The following PRIM2 variants were observed in gnomAD, a reference collection of about 807,000 sequenced individuals.
PRIM2 encodes DNA primase large subunit.
A neutral mutation model predicts 67.3 loss-of-function variants in PRIM2; 39 were observed. The observed-to-expected ratio is 0.58, with a 90% CI of 0.45 to 0.76. The LOEUF is 0.76. Ranked by LOEUF, PRIM2 falls within the 30% of genes least tolerant of loss-of-function variation. The pLI, the probability that PRIM2 is intolerant of heterozygous loss-of-function variation, is 0.00. For missense variants in PRIM2, 398 were observed against 598.7 expected (o/e 0.66, Z 3.50); for synonymous variants, 143 against 198.7 (o/e 0.72, Z 2.36).
chr6:57,452,339 G>T (rs1670579640), intron 7 of PRIM2, among the ~76,000 whole-genome samples: 2 of 152,132 alleles, frequency 1.3e-5, no homozygotes, highest in Admixed American at 1.3e-4. Context: ...TCTAGTTCTA[G>T]ATCCCTGAGG....
At chr6:57,400,901 C>A (rs1239155153) in intron 7 of PRIM2, among the ~76,000 whole-genome samples, 1 of 152,106 alleles carries the variant, frequency 6.6e-6, no homozygotes, top group Non-Finnish European at 1.5e-5. Flanking sequence ...GTTTATTCTG[C>A]TGTTAATACT....
the PRIM2 span, among the ~76,000 whole-genome samples, chr6:57,224,647 A>G: frequency 2.0e-5 from 3 of 152,192 alleles, no homozygotes; most frequent in African/African-American, 7.2e-5. Flanking sequence ...AAAAAAAAAA[A>G]AGAAAATCTT....
At chr6:57,579,227 C>T (rs2127484373) in intron 10 of PRIM2, among the ~76,000 whole-genome samples, 1 of 151,386 alleles carries the variant, frequency 6.6e-6, no homozygotes, top group South Asian at 2.1e-4. Context: ...TTTAGTCTCA[C>T]CAAGTGTGAA....
chr6:57,340,099 GA>G (rs1768417104), intron 5 of PRIM2, among the ~76,000 whole-genome samples: 1 of 151,998 alleles, frequency 6.6e-6, no homozygotes, highest in African/African-American at 2.4e-5. Flanking sequence ...AAAAACACAT[GA>G]AAAAATGCTC....
chr6:57,539,473 ACT>A (rs1775088608), intron 10 of PRIM2, among the ~76,000 whole-genome samples: 1 of 151,950 alleles, frequency 6.6e-6, no homozygotes, highest in South Asian at 2.1e-4. Context: ...GTCTAATTTG[ACT>A]CTGTTATATA....
chr6:57,259,762 C>T, the PRIM2 span, among the ~76,000 whole-genome samples: 15 of 152,202 alleles, frequency 9.9e-5, no homozygotes, highest in Admixed American at 2.6e-4. Context: ...CACTGACTCC[C>T]ATCCTTTCAC....
chr6:57,453,333 G>A (rs1007477731), intron 7 of PRIM2, among the ~76,000 whole-genome samples: 2 of 152,130 alleles, frequency 1.3e-5, no homozygotes, highest in East Asian at 1.9e-4. Flanking sequence ...AAAGTCATTG[G>A]TAGCTTGATG....
At chr6:57,224,213 A>T in the PRIM2 span, among the ~76,000 whole-genome samples, 1 of 152,188 alleles carries the variant, frequency 6.6e-6, no homozygotes, top group African/African-American at 2.4e-5. Flanking sequence ...AGATGGGAGG[A>T]TCACTTGAAT....
the PRIM2 span, among the ~76,000 whole-genome samples, chr6:57,225,939 T>A: frequency 2.0e-5 from 3 of 152,234 alleles, no homozygotes. Flanking sequence ...TTTCTAGTAC[T>A]TTCTAGGCAG....
chr6:57,475,847 G>A lies in PRIM2; in HGVS notation c.694-31540G>A, dbSNP rs1168545564. On this transcript the variant is annotated intron_variant, in intron 7 of 13. Coordinates refer to ENST00000615550, the MANE Select transcript of PRIM2 (RefSeq NM_000947.5). ...TATACAAACGTAAGAGACATGGCAC[G>A]TTTCCTTAAAGAACTTAGGATCCTC... 8.5e-5 allele frequency among the ~76,000 whole-genome samples: 13 copies of A among 152,286 alleles called. No individual in the cohort carries two copies. The South Asian group carries it at 2.3e-3, about 27-fold the overall frequency.
chr6:57,230,385 C>T, the PRIM2 span, among the ~76,000 whole-genome samples: 2 of 152,170 alleles, frequency 1.3e-5, no homozygotes, highest in Admixed American at 1.3e-4. Context: ...AGGTGGGGCA[C>T]TTTCTTGGCC....
chr6:57,382,663 A>G (rs1770002963), intron 7 of PRIM2: 1 of 152,260 alleles, frequency 6.6e-6, no homozygotes, highest in Non-Finnish European at 1.5e-5. Flanking sequence ...AACAAATGAC[A>G]TGATCAGTGA....
chr6:57,263,731 C>CT, the PRIM2 span, among the ~76,000 whole-genome samples: 110 of 152,308 alleles, frequency 7.2e-4, 2 homozygotes, highest in Admixed American at 5.7e-3. Context: ...TCTTATTTCT[C>CT]TTTTGACATC....
At chr6:57,336,886 A>C (rs941617300) in intron 5 of PRIM2, among the ~76,000 whole-genome samples, 3 of 152,290 alleles carry the variant, frequency 2.0e-5, no homozygotes, top group Admixed American at 2.0e-4. Context: ...AAATGGACTA[A>C]ATGCTCCAAT....
At chr6:57,351,438 G>C (rs1324568783) in intron 5 of PRIM2, among the ~76,000 whole-genome samples, 2 of 152,098 alleles carry the variant, frequency 1.3e-5, no homozygotes, top group African/African-American at 4.8e-5. Flanking sequence ...TATTTGTTGA[G>C]CAAATAGTGA....
chr6:57,252,409 C>A, the PRIM2 span, among the ~76,000 whole-genome samples: 1 of 152,126 alleles, frequency 6.6e-6, no homozygotes, highest in African/African-American at 2.4e-5. Flanking sequence ...AATTCTGGAA[C>A]TTTAGTCTCT....
At chr6:57,438,701 G>A (rs1003601571) in intron 7 of PRIM2, among the ~76,000 whole-genome samples, 45 of 152,192 alleles carry the variant, frequency 3.0e-4, no homozygotes, top group African/African-American at 1.1e-3. Flanking sequence ...TCTCCAGGGG[G>A]AGGGTGGTCT....
intron 10 of PRIM2, among the ~76,000 whole-genome samples, chr6:57,543,508 T>C (rs1775221526): frequency 6.6e-6 from 1 of 152,240 alleles, no homozygotes; most frequent in African/African-American, 2.4e-5. Flanking sequence ...TGCATTGCTA[T>C]GTGAGTCTGA....
chr6:57,464,295 C>T (rs970162012), intron 7 of PRIM2, among the ~76,000 whole-genome samples: 5 of 151,764 alleles, frequency 3.3e-5, no homozygotes, highest in Non-Finnish European at 4.4e-5. Context: ...CTTTTCCCCC[C>T]GAGATGGAGT....
Sources: allele counts gnomAD v4.1 joint callset (sites outside exome capture counted in the v4.1 genomes callset), GRCh38; gene constraint gnomAD v4.1.1; transcripts MANE v1.5; gene names NCBI Gene and HGNC (gene_info 2026-07-23, HGNC 2026-07-21).